Variants in RABGAP1L observed in about 807,000 individuals in gnomAD.
RABGAP1L encodes RAB GTPase activating protein 1 like.
Under a neutral mutation model 137.7 loss-of-function variants are expected in RABGAP1L, and 63 were observed. The observed-to-expected ratio is 0.46, with a 90% CI of 0.37 to 0.56. The LOEUF (loss-of-function observed/expected upper bound fraction) is 0.56. Ranked by LOEUF, RABGAP1L falls within the 20% of genes least tolerant of loss-of-function variation. The probability of loss-of-function intolerance (pLI) is 0.00; values close to 1 mark genes in which losing one functional copy is unlikely to be tolerated. For synonymous variants in RABGAP1L, 431 were observed against 433.7 expected (o/e 0.99, Z 0.08); for missense variants, 1,095 against 1,244.0 (o/e 0.88, Z 1.80).
At chr1:174,367,459 C>G (rs555587253) in intron 11 of RABGAP1L, 1 of 208,792 alleles carries the variant, frequency 4.8e-6, no homozygotes, top group Non-Finnish European at 9.6e-6. Flanking sequence ...GGGCCTGAAC[C>G]TTCTTCAGGC....
rs755718929 is a variant in RABGAP1L at position 174,231,126 on chromosome 1, T to C, written c.332-19T>C. On this transcript the variant is annotated intron_variant, in intron 3 of 25. Coordinates refer to ENST00000681986, the MANE Select transcript of RABGAP1L (RefSeq NM_001366446.1). ...AGTTTTGCAATGACTTTTGAGTGTTTCTTTTTTTGTTTCTTCAGAAATTTC... is the reference window on the plus strand; with the variant it reads ...AGTTTTGCAATGACTTTTGAGTGTTCCTTTTTTTGTTTCTTCAGAAATTTC... 1 of 1,570,706 alleles carries C rather than the reference T, an allele frequency of 6.4e-7. No individual in the cohort carries two copies. The highest frequency in any genetic ancestry group is 1.1e-5 in the South Asian group (1 of 89,098).
chr1:174,522,724 A>G (rs1225424365), intron 13 of RABGAP1L, among the ~76,000 whole-genome samples: 1 of 152,220 alleles, frequency 6.6e-6, no homozygotes, highest in Non-Finnish European at 1.5e-5. Flanking sequence ...CAGGAAACCT[A>G]CAATCATGGC....
chr1:174,426,361 G>A (rs543135901), intron 13 of RABGAP1L, among the ~76,000 whole-genome samples: 3 of 151,994 alleles, frequency 2.0e-5, no homozygotes, highest in African/African-American at 4.8e-5. Flanking sequence ...GCATATGTAA[G>A]CATTTAAACT....
At chr1:174,616,125 C>T (rs1344440033) in intron 13 of RABGAP1L, among the ~76,000 whole-genome samples, 3 of 152,198 alleles carry the variant, frequency 2.0e-5, no homozygotes, top group Non-Finnish European at 4.4e-5. Context: ...AGTGCATGAA[C>T]CTGGTACCTC....
At chr1:174,833,466 A>ATATATATATATATAT (rs71117580) in intron 19 of RABGAP1L, among the ~76,000 whole-genome samples, 3,278 of 61,060 alleles carry the variant, frequency 0.054, 723 homozygotes, top group East Asian at 0.3. Context: ...ATATATATAT[A>ATATATATATATATAT]TAGTAGAGAC....
intron 1 of RABGAP1L, among the ~76,000 whole-genome samples, chr1:174,176,917 T>C (rs1294501677): frequency 1.3e-5 from 2 of 149,378 alleles, no homozygotes; most frequent in South Asian, 2.1e-4. Flanking sequence ...TTACTGAAAA[T>C]ACAAAAAAAT....
chr1:174,450,281 C>T (rs961668670), intron 13 of RABGAP1L, among the ~76,000 whole-genome samples: 1 of 152,026 alleles, frequency 6.6e-6, no homozygotes, highest in Admixed American at 6.6e-5. Flanking sequence ...GTTAGGTCTA[C>T]GATAGCTTAC....
chr1:174,972,233 C>G (rs1051010257), intron 21 of RABGAP1L, among the ~76,000 whole-genome samples: 1 of 152,192 alleles, frequency 6.6e-6, no homozygotes, highest in South Asian at 2.1e-4. Context: ...GTCTAGGTTC[C>G]CTCTCACCAT....
At chr1:174,791,088 G>C (rs552588441) in intron 18 of RABGAP1L, among the ~76,000 whole-genome samples, 10 of 151,946 alleles carry the variant, frequency 6.6e-5, no homozygotes, top group African/African-American at 2.4e-4. Context: ...CTACTTGGGA[G>C]GCTGAGACAG....
Position 174,374,695 on chromosome 1 carries a change from C to G in RABGAP1L, c.1559+3623C>G, listed in dbSNP as rs142431391. Among the ~76,000 whole-genome samples, 577 of 152,238 alleles carry G rather than the reference C, an allele frequency of 3.8e-3. 7 individuals carry two copies. Among genetic ancestry groups the G allele is most frequent in the African/African-American group, 0.013 (544 of 41,536 alleles). The stretch of plus-strand genomic sequence containing the variant: ...TAAACTCAGAACTGAATTAGACTTC[C>G]AGTTGTAGTGCTAACTTGATAGGTA... On this transcript the variant is annotated intron_variant, in intron 12 of 25. Transcript: ENST00000681986.
chr1:174,195,697 C>CT (rs1558021475), intron 1 of RABGAP1L, among the ~76,000 whole-genome samples: 23 of 92,752 alleles, frequency 2.5e-4, no homozygotes, highest in African/African-American at 1.1e-3. Context: ...TCCTTCTTTC[C>CT]TTCTTTCCTT....
At chr1:174,749,897 A>G (rs1684206457) in intron 17 of RABGAP1L, among the ~76,000 whole-genome samples, 1 of 151,956 alleles carries the variant, frequency 6.6e-6, no homozygotes, top group Non-Finnish European at 1.5e-5. Flanking sequence ...ATTTTTTTTG[A>G]GATGGAGTCT....
At chr1:174,881,241 T>C (rs979969424) in intron 19 of RABGAP1L, among the ~76,000 whole-genome samples, 8 of 152,170 alleles carry the variant, frequency 5.3e-5, no homozygotes, top group Non-Finnish European at 1.0e-4. Context: ...CTCCTAACCC[T>C]GTAGCTCATT....
At chr1:174,862,396 T>C (rs1650405789) in intron 19 of RABGAP1L, among the ~76,000 whole-genome samples, 1 of 152,042 alleles carries the variant, frequency 6.6e-6, no homozygotes, top group Non-Finnish European at 1.5e-5. Context: ...TCTATGGAGA[T>C]CATTGTTAGT....
At chr1:174,970,246 C>T (rs989682358) in intron 21 of RABGAP1L, among the ~76,000 whole-genome samples, 9 of 152,150 alleles carry the variant, frequency 5.9e-5, no homozygotes, top group African/African-American at 2.2e-4. Flanking sequence ...CAATCAGGGT[C>T]AATTCAGCCT....
chr1:174,914,823 C>T (rs1660592966), intron 19 of RABGAP1L, among the ~76,000 whole-genome samples: 2 of 152,078 alleles, frequency 1.3e-5, no homozygotes. Context: ...TTGCAGTCAG[C>T]CCTCATCCTA....
chr1:174,499,364 ACT>A (rs1339306188), intron 13 of RABGAP1L, among the ~76,000 whole-genome samples: 4 of 152,218 alleles, frequency 2.6e-5, no homozygotes, highest in Non-Finnish European at 1.5e-5. Flanking sequence ...CGTTCATATG[ACT>A]TAGAACATTT....
At chr1:174,469,303 T>G (rs1455755547) in intron 13 of RABGAP1L, among the ~76,000 whole-genome samples, 1 of 152,194 alleles carries the variant, frequency 6.6e-6, no homozygotes, top group African/African-American at 2.4e-5. Context: ...TATTATTGTC[T>G]GTATCTTTCT....
intron 13 of RABGAP1L, among the ~76,000 whole-genome samples, chr1:174,488,710 A>AT (rs202016877): frequency 0.036 from 5,279 of 147,330 alleles, 125 homozygotes; most frequent in Middle Eastern, 0.092. Flanking sequence ...GGTGTGCTTC[A>AT]TTTTTTTTTC....
Sources: gnomAD v4.1 joint callset for allele counts (sites outside exome capture counted in the v4.1 genomes callset) on GRCh38, gnomAD v4.1.1 for gene constraint, MANE v1.5 for transcripts, NCBI Gene and HGNC (gene_info 2026-07-23, HGNC 2026-07-21) for gene names.